NF1: variants seen among roughly 807,000 people sequenced by gnomAD.
NF1 encodes neurofibromin.
NF1 carries 122 observed loss-of-function variants against 325.7 expected under a neutral mutation model. The ratio of observed to expected loss-of-function variants is 0.37; its 90% confidence interval spans 0.32 to 0.44. The LOEUF (loss-of-function observed/expected upper bound fraction) is 0.44, where lower values mean the gene tolerates loss of function less well. Ranked by LOEUF, NF1 falls within the 20% of genes least tolerant of loss-of-function variation. NF1 has a pLI of 1.00. For synonymous variants in NF1, 1,091 were observed against 1,186.0 expected, an observed-to-expected ratio of 0.92 and a Z score of 1.65; for missense variants, 2,140 against 3,415.4, an observed-to-expected ratio of 0.63 and a Z score of 9.31.
intron 4 of NF1, among the ~76,000 whole-genome samples, chr17:31,164,504 G>T (rs1465019406): frequency 6.6e-6 from 1 of 152,180 alleles, no homozygotes; most frequent in Admixed American, 6.6e-5. Context: ...TTAGTGATTC[G>T]TGAATCGAAG....
intron 8 of NF1, chr17:31,183,512 A>G (rs1053815194): frequency 4.6e-5 from 7 of 152,378 alleles, no homozygotes; most frequent in Admixed American, 2.0e-4. Context: ...ACTTAGGTGT[A>G]TATCTCAACT....
chr17:31,123,498 C>T (rs1350247511), intron 1 of NF1, among the ~76,000 whole-genome samples: 2 of 152,150 alleles, frequency 1.3e-5, no homozygotes, highest in Non-Finnish European at 2.9e-5. Context: ...GTTACCCAGC[C>T]TAGTCTCTAA....
At chr17:31,362,624 T>C (rs1191108546) in intron 57 of NF1, among the ~76,000 whole-genome samples, 1 of 152,248 alleles carries the variant, frequency 6.6e-6, no homozygotes, top group African/African-American at 2.4e-5. Flanking sequence ...TTCTTTTTTT[T>C]CTGTTGGACT....
At chr17:31,255,920 T>A (rs2067575446) in intron 31 of NF1, among the ~76,000 whole-genome samples, 1 of 152,216 alleles carries the variant, frequency 6.6e-6, no homozygotes, top group Non-Finnish European at 1.5e-5. Context: ...TCACAGCAGG[T>A]TAACATTTTA....
intron 1 of NF1, 128 bp downstream of exon 1, chr17:31,095,497 A>G (rs1911586267): frequency 6.4e-6 from 4 of 622,650 alleles, no homozygotes; most frequent in African/African-American, 2.0e-5. Context: ...AGGGAAGGGA[A>G]GAGAAGGGAA....
rs886052814 is a variant in NF1, at chr17:31,377,039, T to A, written c.*2884T>A. ...CCCAGGTTTGTAGGTTTTAGGGGTT[T>A]TCAGTTTTGTTTGGGTTTTTTGTTT... On this transcript the variant is annotated 3_prime_UTR_variant, in exon 58 of 58. Coordinates refer to ENST00000358273, the MANE Select transcript of NF1 (RefSeq NM_001042492.3). 8.6e-6 allele frequency: 2 copies of A among 233,450 alleles called. No homozygotes were observed. 14.5% of individuals were successfully genotyped at this position (233,450 alleles called of 1,614,324 possible). A position where few individuals can be genotyped will look rare whatever the true frequency, so the allele number is the denominator to read the frequency against.
rs1418774395 is a variant in NF1, at chr17:31,181,698, C to G, written c.655-12C>G. The G allele has an allele frequency of 6.3e-7, 1 of 1,589,290 alleles. No individual in the cohort carries two copies. Among genetic ancestry groups the G allele is most frequent in the South Asian group, 1.1e-5 (1 of 90,538 alleles). On this transcript the variant is annotated splice_polypyrimidine_tract_variant and intron_variant, in intron 6 of 57. Coordinates refer to ENST00000358273, the MANE Select transcript of NF1 (RefSeq NM_001042492.3). The stretch of plus-strand genomic sequence containing the variant: ...AAAATCACTGTAAAGACATGTGGTT[C>G]TTTATTTATAGGCATTTTGGAACTG...
chr17:31,229,802 G>A (rs2151430365), intron 21 of NF1, 33 bp from the exon 22 acceptor site: 11 of 1,610,972 alleles, frequency 6.8e-6, no homozygotes, highest in Non-Finnish European at 8.5e-6. Context: ...GGGCATTGAT[G>A]GCAAATCATT....
Position 31,377,367 on chromosome 17 carries a change from T to C in NF1, c.*3212T>C, listed in dbSNP as rs2070746634. On this transcript the variant is annotated 3_prime_UTR_variant, in exon 58 of 58. Transcript: ENST00000358273. ...TCGTGTTAGTATTGTTAACTTCTTTTTGCGACTGCGTTACATCATTTAAAG... is the reference window on the plus strand; with the variant it reads ...TCGTGTTAGTATTGTTAACTTCTTTCTGCGACTGCGTTACATCATTTAAAG... The C allele has an allele frequency of 4.3e-6, 1 of 233,536 alleles. No homozygotes were observed. The highest frequency in any genetic ancestry group is 8.5e-6 in the Non-Finnish European group (1 of 117,948). 14.5% of individuals were successfully genotyped at this position (233,536 alleles called of 1,614,324 possible).
intron 47 of NF1, among the ~76,000 whole-genome samples, chr17:31,342,485 C>T (rs1193058484): frequency 6.6e-6 from 1 of 152,044 alleles, no homozygotes; most frequent in African/African-American, 2.4e-5. Context: ...CTCCAGCGAC[C>T]TGGGAGGCTG....
At chr17:31,137,058 A>C (rs1915837664) in intron 1 of NF1, 1 of 152,210 alleles carries the variant, frequency 6.6e-6, no homozygotes, top group African/African-American at 2.4e-5. Flanking sequence ...TTGAGAATTC[A>C]GTTGACATAA....
chr17:31,358,920 A>G (rs772802631), intron 55 of NF1, 49 bp from the exon 56 acceptor site: 1 of 1,510,216 alleles, frequency 6.6e-7, no homozygotes, highest in Non-Finnish European at 9.2e-7. Flanking sequence ...TTCTGTTACA[A>G]TTAAAAGATA....
intron 16 of NF1, 145 bp downstream of exon 16, chr17:31,223,712 G>A (rs2066966382): frequency 1.1e-5 from 8 of 749,674 alleles, no homozygotes; most frequent in Non-Finnish European, 1.7e-5. Flanking sequence ...TGTATGCAGA[G>A]GACAATGACT....
chr17:31,295,147 T>C, intron 36 of NF1: 1 of 1,614,204 alleles, frequency 6.2e-7, no homozygotes, highest in Middle Eastern at 1.6e-4. Flanking sequence ...TTGTGCTTTG[T>C]TGAGGCATTT....
chr17:31,345,698 A>T, intron 48 of NF1: 1 of 1,614,210 alleles, frequency 6.2e-7, no homozygotes, highest in East Asian at 2.2e-5. Context: ...ATATAGAGAA[A>T]AGTCTTTTGG....
chr17:31,206,465 G>T (rs531546943), intron 12 of NF1, 94 bp downstream of exon 12: 43 of 1,409,052 alleles, frequency 3.1e-5, no homozygotes, highest in African/African-American at 4.3e-5. Context: ...TTATTTTAGA[G>T]AATTGAATGG....
chr17:31,229,025 G>T lies in NF1; in HGVS notation c.2410G>T (p.Ala804Ser), dbSNP rs761109477. Residue 804 changes from alanine to serine, a missense_variant and splice_region_variant, in exon 21 of 58, where the codon GCT (alanine) becomes TCT (serine). This residue lies in a region of NF1 where 380 missense variants were observed against 639.3 expected (regional missense o/e 0.59). Coordinates refer to ENST00000358273, the MANE Select transcript of NF1 (RefSeq NM_001042492.3). ...CTTTGCACAAAAATTTTGTGTTTAG[G>T]CTGCTGAAAGCCTTCACAAGACCAT... ...YPKAKMEDGQ[A>S]AESLHKTIVK... The T allele has an allele frequency of 1.3e-6, 2 of 1,597,190 alleles. No individual in the cohort carries two copies. Among genetic ancestry groups the T allele is most frequent in the Non-Finnish European group, 1.7e-6 (2 of 1,168,254 alleles).
At chr17:31,237,286 A>T (rs2067219596) in intron 29 of NF1, among the ~76,000 whole-genome samples, 1 of 151,938 alleles carries the variant, frequency 6.6e-6, no homozygotes. Flanking sequence ...TTTACTTCTT[A>T]TTTTTTGAAA....
chr17:31,370,977 C>T (rs140315830), intron 57 of NF1, among the ~76,000 whole-genome samples: 23 of 151,846 alleles, frequency 1.5e-4, no homozygotes, highest in Admixed American at 2.0e-4. Flanking sequence ...AGGTCAAATA[C>T]GCTGACAAAT....
Sources: gnomAD v4.1 joint callset for allele counts (sites outside exome capture counted in the v4.1 genomes callset) on GRCh38, gnomAD v4.1.1 for gene constraint, gnomAD v4.1.1 regional missense constraint, MANE v1.5 for transcripts, NCBI Gene and HGNC (gene_info 2026-07-23, HGNC 2026-07-21) for gene names.